Variants in ITGA11 observed in about 807,000 individuals in gnomAD.
ITGA11 encodes the protein integrin alpha-11.
In ITGA11, 97 loss-of-function variants were observed where a neutral mutation model predicts 141.9. The observed-to-expected ratio is 0.68, with a 90% CI of 0.58 to 0.81. The LOEUF (loss-of-function observed/expected upper bound fraction) is 0.81. ITGA11 is among the 30% of genes least tolerant of loss of function. The pLI, the probability that ITGA11 is intolerant of heterozygous loss-of-function variation, is 0.00. For synonymous variants in ITGA11, 658 were observed against 624.6 expected, an observed-to-expected ratio of 1.05 and a Z score of -0.80; for missense variants, 1,387 against 1,559.2, an observed-to-expected ratio of 0.89 and a Z score of 1.86.
intron 11 of ITGA11, among the ~76,000 whole-genome samples, chr15:68,336,395 G>C (rs1309018258): frequency 6.6e-6 from 1 of 152,158 alleles, no homozygotes; most frequent in Non-Finnish European, 1.5e-5. Context: ...AGGGATTCTT[G>C]CAGCCCCAAA....
intron 14 of ITGA11, 98 bp from the exon 15 acceptor site, chr15:68,331,209 T>C (rs1211925382): frequency 3.5e-6 from 4 of 1,157,952 alleles, no homozygotes; most frequent in Non-Finnish European, 4.9e-6. Context: ...ATAGGGAGCC[T>C]GTGTGAAACC....
chr15:68,320,031 C>A (rs1434785058), intron 20 of ITGA11, among the ~76,000 whole-genome samples, 154 bp downstream of exon 20: 2 of 151,988 alleles, frequency 1.3e-5, no homozygotes, highest in Admixed American at 1.3e-4. Context: ...CTCAAGTGAT[C>A]CTCCCACCTC....
At chr15:68,421,258 C>T (rs1019367723) in intron 1 of ITGA11, among the ~76,000 whole-genome samples, 2 of 152,214 alleles carry the variant, frequency 1.3e-5, no homozygotes, top group South Asian at 2.1e-4. Flanking sequence ...GAAGAGCATT[C>T]GAAGCAGAAG....
chr15:68,326,761 A>G lies in ITGA11; in HGVS notation c.2104T>C (p.Tyr702His). ...TCGTCCAGGTGGGCCCTCGGTGTAT[A>G]CCGCCTCTCATCCATGGTGGCGTTG... ...RYNATMDERRYTPRAHLDEGG... is the reference protein window; with the variant it reads ...RYNATMDERRHTPRAHLDEGG... Residue 702 changes from tyrosine (Y) to histidine (H), a missense_variant, in exon 17 of 30, where the codon TAT becomes CAT. Coordinates refer to ENST00000315757, the MANE Select transcript of ITGA11 (RefSeq NM_001004439.2). The surrounding 1 kb of genome is among the most constrained non-coding windows in gnomAD (Gnocchi z 6.8). 2 of 1,580,834 alleles carry G rather than the reference A, an allele frequency of 1.3e-6. No homozygotes were observed. The highest frequency in any genetic ancestry group is 1.2e-5 in the South Asian group (1 of 86,072).
intron 11 of ITGA11, among the ~76,000 whole-genome samples, chr15:68,337,263 C>A (rs758070858): frequency 1.3e-5 from 2 of 152,126 alleles, no homozygotes; most frequent in Admixed American, 6.5e-5. Context: ...GTGGGCAGCA[C>A]CTTTGGTACC....
intron 10 of ITGA11, among the ~76,000 whole-genome samples, chr15:68,341,260 G>A (rs1416674453): frequency 1.3e-5 from 2 of 152,228 alleles, no homozygotes; most frequent in Non-Finnish European, 2.9e-5. Flanking sequence ...AGGAGGCTCT[G>A]ACAGTTTGTT....
intron 1 of ITGA11, among the ~76,000 whole-genome samples, chr15:68,413,571 T>G (rs1896824781): frequency 6.6e-6 from 1 of 152,178 alleles, no homozygotes. Flanking sequence ...AGTTCTAATC[T>G]CAGCTTTGTC....
intron 11 of ITGA11, among the ~76,000 whole-genome samples, chr15:68,337,944 C>T (rs973219004): frequency 6.6e-6 from 1 of 152,090 alleles, no homozygotes; most frequent in African/African-American, 2.4e-5. Context: ...GCGGTGGAGA[C>T]CTGGTGTAGG....
intron 2 of ITGA11, among the ~76,000 whole-genome samples, chr15:68,377,487 G>A (rs1895757820): frequency 6.6e-6 from 1 of 152,058 alleles, no homozygotes; most frequent in Non-Finnish European, 1.5e-5. Context: ...GGCCAGGCTG[G>A]TCTCAAACTC....
Position 68,394,557 on chromosome 15 carries a change from TA to T in ITGA11, c.164+8360del, listed in dbSNP as rs1204310840. On this transcript the variant is annotated intron_variant, in intron 2 of 29. Transcript: ENST00000315757. ...AGAAGCTAGAAAAAGATAAATTAAATAAAAAAATGGAAGAAATAATTAAAAT... is the reference window on the plus strand; with the variant it reads ...AGAAGCTAGAAAAAGATAAATTAAATAAAAAATGGAAGAAATAATTAAAAT... Among the ~76,000 whole-genome samples, 6 of 151,290 alleles carry T rather than the reference TA, an allele frequency of 4.0e-5. No individual in the cohort carries two copies. In the East Asian group the frequency reaches 7.7e-4, roughly 19 times the overall value.
chr15:68,400,718 A>T (rs1294003826), intron 2 of ITGA11, among the ~76,000 whole-genome samples: 1 of 22,960 alleles, frequency 4.4e-5, no homozygotes, highest in Non-Finnish European at 6.3e-5. Flanking sequence ...AATATTATAT[A>T]TTATATAATA....
intron 2 of ITGA11, among the ~76,000 whole-genome samples, chr15:68,389,537 G>T (rs779644769): frequency 6.6e-6 from 1 of 152,214 alleles, no homozygotes; most frequent in Admixed American, 6.5e-5. Flanking sequence ...CTCTACCTCT[G>T]ACACTTATTA....
At position 68,417,178 on chromosome 15, in the gene ITGA11, A is replaced by G. The variant is rs537935034; in HGVS notation, c.53-14149T>C. On this transcript the variant is annotated intron_variant, in intron 1 of 29. Coordinates refer to ENST00000315757, the MANE Select transcript of ITGA11 (RefSeq NM_001004439.2). ...CACAATCAATTTCCTGGCTGCTTAT[A>G]GGACATTTCACTTGGATGTCTCATA... Among the ~76,000 whole-genome samples, 7 of 152,262 alleles carry G rather than the reference A, an allele frequency of 4.6e-5. No individual in the cohort carries two copies. In the South Asian group the frequency reaches 8.3e-4, roughly 18 times the overall value.
At chr15:68,430,271 T>A (rs964587642) in intron 1 of ITGA11, among the ~76,000 whole-genome samples, 1 of 151,992 alleles carries the variant, frequency 6.6e-6, no homozygotes, top group African/African-American at 2.4e-5. Context: ...TAACAACCAT[T>A]GATTAAAGCC....
chr15:68,416,490 T>G (rs908116267), intron 1 of ITGA11, among the ~76,000 whole-genome samples: 3 of 152,194 alleles, frequency 2.0e-5, no homozygotes, highest in Non-Finnish European at 4.4e-5. Context: ...GTTAAGCAGA[T>G]GTCAAGCTCA....
At chr15:68,423,895 C>T (rs1239358839) in intron 1 of ITGA11, among the ~76,000 whole-genome samples, 4 of 151,854 alleles carry the variant, frequency 2.6e-5, no homozygotes, top group Non-Finnish European at 2.9e-5. Context: ...TCACCTGAAC[C>T]CTCACTTCAA....
At chr15:68,362,056 G>A (rs77564879) in intron 4 of ITGA11, 5,719 of 228,914 alleles carry the variant, frequency 0.025, 355 homozygotes, top group African/African-American at 0.13. Flanking sequence ...TTTCACCCAC[G>A]GGTGTGAACA....
intron 2 of ITGA11, among the ~76,000 whole-genome samples, chr15:68,397,566 A>G (rs1380251858): frequency 8.8e-5 from 2 of 22,674 alleles, no homozygotes; most frequent in African/African-American, 2.1e-4. Context: ...ATTATAAAAT[A>G]TTTAAAATAT....
At chr15:68,410,896 T>C (rs1258121885) in intron 1 of ITGA11, among the ~76,000 whole-genome samples, 1 of 152,216 alleles carries the variant, frequency 6.6e-6, no homozygotes. Flanking sequence ...GCCCTCTGAC[T>C]CTGGGGAGAA....
Sources: gnomAD v4.1 joint callset for allele counts (sites outside exome capture counted in the v4.1 genomes callset) on GRCh38, gnomAD v4.1.1 for gene constraint, Gnocchi (gnomAD v3.1) non-coding constraint, MANE v1.5 for transcripts, NCBI Gene and HGNC (gene_info 2026-07-23, HGNC 2026-07-21) for gene names.